Variants in PRKN observed in about 807,000 individuals in gnomAD.
The protein encoded by PRKN is E3 ubiquitin-protein ligase parkin.
A neutral mutation model predicts 59.5 loss-of-function variants in PRKN; 56 were observed. That is an observed-to-expected ratio of 0.94 (90% confidence interval 0.76 to 1.18). PRKN has a LOEUF of 1.18. PRKN is among the 50% of genes most tolerant of loss of function. The probability of loss-of-function intolerance (pLI) is 0.00; values close to 1 mark genes in which losing one functional copy is unlikely to be tolerated. For missense variants in PRKN, 657 were observed against 596.4 expected (o/e 1.10, Z -1.06); for synonymous variants, 250 against 222.1 (o/e 1.13, Z -1.12).
chr6:161,656,577 C>A (rs1377151123), intron 7 of PRKN, among the ~76,000 whole-genome samples: 3 of 152,160 alleles, frequency 2.0e-5, no homozygotes, highest in Non-Finnish European at 4.4e-5. Flanking sequence ...GTTCCTAAAT[C>A]CAATGAAACG....
intron 5 of PRKN, among the ~76,000 whole-genome samples, chr6:161,996,255 T>G (rs1452280866): frequency 7.2e-5 from 11 of 152,070 alleles, no homozygotes; most frequent in African/African-American, 1.2e-4. Flanking sequence ...GAAACCTGGA[T>G]GAACTAGAAG....
intron 1 of PRKN, among the ~76,000 whole-genome samples, chr6:162,662,210 C>T (rs902413257): frequency 2.0e-5 from 3 of 151,506 alleles, no homozygotes; most frequent in Non-Finnish European, 2.9e-5. Context: ...CAATCTGAAA[C>T]CTGAAACGGG....
chr6:162,071,027 A>G (rs564038347), intron 4 of PRKN, among the ~76,000 whole-genome samples: 5 of 152,230 alleles, frequency 3.3e-5, no homozygotes, highest in Non-Finnish European at 7.4e-5. Context: ...AACATGTTCT[A>G]TTAGTGAAGC....
intron 4 of PRKN, among the ~76,000 whole-genome samples, chr6:162,084,046 A>G (rs1248086239): frequency 6.6e-6 from 1 of 152,104 alleles, no homozygotes; most frequent in Admixed American, 6.5e-5. Context: ...CATTCTCATA[A>G]AAATAGAAAT....
chr6:162,673,682 A>C (rs1437245890), intron 1 of PRKN, among the ~76,000 whole-genome samples: 2 of 152,290 alleles, frequency 1.3e-5, no homozygotes, highest in Non-Finnish European at 2.9e-5. Flanking sequence ...CAACACGCCC[A>C]GCCTAGATTT....
At chr6:162,262,337 C>T (rs1779922616) in intron 3 of PRKN, 188 bp downstream of exon 3, 2 of 735,036 alleles carry the variant, frequency 2.7e-6, no homozygotes, top group Admixed American at 1.9e-5. Flanking sequence ...ATAGTACTTA[C>T]AATAAATGCA....
At chr6:161,436,459 T>C (rs1350989430) in intron 9 of PRKN, among the ~76,000 whole-genome samples, 1 of 103,062 alleles carries the variant, frequency 9.7e-6, no homozygotes, top group Non-Finnish European at 2.1e-5. Context: ...CAAGACTTTT[T>C]TGGGGGGGGG....
chr6:161,809,451 G>A (rs1275938406), intron 6 of PRKN, among the ~76,000 whole-genome samples: 1 of 152,120 alleles, frequency 6.6e-6, no homozygotes, highest in East Asian at 1.9e-4. Context: ...CTGGGTCAAG[G>A]TATATGCATT....
chr6:162,172,133 T>C (rs1008670453), intron 4 of PRKN, among the ~76,000 whole-genome samples: 1 of 152,154 alleles, frequency 6.6e-6, no homozygotes, highest in Non-Finnish European at 1.5e-5. Flanking sequence ...TAGAACTGAG[T>C]GCTGAGCTAG....
chr6:161,635,678 C>G (rs1444267608), intron 7 of PRKN, among the ~76,000 whole-genome samples: 1 of 151,966 alleles, frequency 6.6e-6, no homozygotes, highest in Non-Finnish European at 1.5e-5. Flanking sequence ...GAGGAGGGGC[C>G]CGGTGGAAGG....
At chr6:162,496,623 T>C (rs139673096) in intron 1 of PRKN, among the ~76,000 whole-genome samples, 21 of 152,338 alleles carry the variant, frequency 1.4e-4, no homozygotes, top group Non-Finnish European at 2.4e-4. Flanking sequence ...CTTATACACA[T>C]GCGTGCAAAT....
chr6:161,539,798 C>G (rs184430806), intron 9 of PRKN, among the ~76,000 whole-genome samples: 1 of 152,106 alleles, frequency 6.6e-6, no homozygotes, highest in Admixed American at 6.6e-5. Flanking sequence ...CAGAAAATAT[C>G]TTATATGCTC....
At chr6:161,737,772 G>A (rs4709548) in intron 7 of PRKN, among the ~76,000 whole-genome samples, 40,642 of 151,946 alleles carry the variant, frequency 0.27, 5,539 homozygotes, top group Admixed American at 0.33. Context: ...CAGAAGCCAG[G>A]GCGAGATGGC....
intron 9 of PRKN, among the ~76,000 whole-genome samples, chr6:161,528,758 C>T (rs1035446517): frequency 1.3e-5 from 2 of 152,150 alleles, no homozygotes; most frequent in African/African-American, 2.4e-5. Context: ...TTAAACACTG[C>T]CTCAGGAGAT....
chr6:162,647,820 C>A (rs912240875), intron 1 of PRKN, among the ~76,000 whole-genome samples: 10 of 151,858 alleles, frequency 6.6e-5, no homozygotes, highest in African/African-American at 2.4e-4. Flanking sequence ...TTGTCTCTTT[C>A]CTCTGTCACC....
intron 9 of PRKN, among the ~76,000 whole-genome samples, chr6:161,398,832 A>G (rs535039359): frequency 1.3e-5 from 2 of 152,208 alleles, no homozygotes; most frequent in South Asian, 4.1e-4. Context: ...TGCAGGTTGT[A>G]GTGAGGAGAT....
intron 2 of PRKN, among the ~76,000 whole-genome samples, chr6:162,334,710 G>A (rs1783754555): frequency 6.6e-6 from 1 of 152,184 alleles, no homozygotes; most frequent in African/African-American, 2.4e-5. Context: ...GGCTATAGCT[G>A]TCCCAGATAT....
At chr6:161,610,018 A>T (rs1050663102) in intron 7 of PRKN, among the ~76,000 whole-genome samples, 15 of 152,212 alleles carry the variant, frequency 9.9e-5, no homozygotes, top group Admixed American at 2.0e-4. Flanking sequence ...AGCAAAAAAA[A>T]TTTTTTGAAT....
In PRKN at chr6:161,484,942, C is replaced by G. The variant is rs1013473330; in HGVS notation, c.1083+63912G>C. ...CCTAACCACCTGCCTTTGCTGCCGC[C>G]GGCTTCCCCCTGCTTCTTTGAGGCA... On this transcript the variant is annotated intron_variant, in intron 9 of 11. Transcript: ENST00000366898. This position sits in a 1 kb window ranked among gnomAD's most constrained non-coding sequence, Gnocchi z 4.9. Among the ~76,000 whole-genome samples the G allele has an allele frequency of 2.0e-5, 3 of 152,168 alleles. No homozygotes were observed. The highest frequency in any genetic ancestry group is 4.4e-5 in the Non-Finnish European group (3 of 68,036).
Sources: gnomAD v4.1 joint callset for allele counts (sites outside exome capture counted in the v4.1 genomes callset) on GRCh38, gnomAD v4.1.1 for gene constraint, Gnocchi (gnomAD v3.1) non-coding constraint, MANE v1.5 for transcripts, NCBI Gene and HGNC (gene_info 2026-07-23, HGNC 2026-07-21) for gene names.